The following CSMD1 variants were observed in gnomAD, a reference collection of about 807,000 sequenced individuals.
The protein encoded by CSMD1 is CUB and sushi domain-containing protein 1.
Under a neutral mutation model 417.5 loss-of-function variants are expected in CSMD1, and 213 were observed. The observed-to-expected ratio is 0.51, with a 90% confidence interval of 0.46 to 0.57. The LOEUF (loss-of-function observed/expected upper bound fraction) is 0.57. Ranked by LOEUF, CSMD1 falls within the 20% of genes least tolerant of loss-of-function variation. The pLI, the probability that CSMD1 is intolerant of heterozygous loss-of-function variation, is 0.00. For missense variants in CSMD1, 6,923 were observed against 4,529.7 expected (o/e 1.53, Z -15.17); for synonymous variants, 2,862 against 1,736.8 (o/e 1.65, Z -16.11).
chr8:4,933,494 T>G (rs1807394676), intron 1 of CSMD1, among the ~76,000 whole-genome samples: 1 of 152,170 alleles, frequency 6.6e-6, no homozygotes, highest in Admixed American at 6.6e-5. Flanking sequence ...AGAAGGTAAG[T>G]AAATGCCAGC....
At position 4,450,199 on chromosome 8, in the gene CSMD1, G is replaced by C. The variant is rs191956129; in HGVS notation, c.303-30134C>G. On this transcript the variant is annotated intron_variant, in intron 2 of 69. Transcript: ENST00000635120. ...AAAACCGAACTGGGCAACAATTGAA[G>C]TTACAGAGTACCTATATGTGAGGGA... Among the ~76,000 whole-genome samples, 179 of 152,340 alleles carry C rather than the reference G, an allele frequency of 1.2e-3. 1 individual carries two copies. The highest frequency in any genetic ancestry group is 3.9e-3 in the African/African-American group (164 of 41,578).
In CSMD1 at chr8:3,404,298, G is replaced by A. The variant is rs529293147; in HGVS notation, c.2266+1729C>T. On this transcript the variant is annotated intron_variant, in intron 15 of 69. Transcript: ENST00000635120. ...TGCAGTGAGCTGAGATTGCACCACT[G>A]CACTCCAGCCTGGGTGACAGAGCCA... Among the ~76,000 whole-genome samples the A allele has an allele frequency of 4.5e-4, 68 of 149,508 alleles. 1 individual carries two copies. In the East Asian group the frequency reaches 0.013, roughly 28 times the overall value.
At chr8:3,773,639 G>T (rs965575358) in intron 5 of CSMD1, among the ~76,000 whole-genome samples, 1 of 152,126 alleles carries the variant, frequency 6.6e-6, no homozygotes, top group African/African-American at 2.4e-5. Flanking sequence ...CTATTTGGCA[G>T]TTTTATTCAA....
At chr8:4,153,603 G>A (rs1424294301) in intron 3 of CSMD1, among the ~76,000 whole-genome samples, 6 of 152,192 alleles carry the variant, frequency 3.9e-5, no homozygotes, top group African/African-American at 9.7e-5. Context: ...GCCCTGAGAT[G>A]TCCCTGCTCT....
intron 2 of CSMD1, among the ~76,000 whole-genome samples, chr8:4,634,465 T>A (rs1802711721): frequency 6.6e-6 from 1 of 152,200 alleles, no homozygotes; most frequent in Non-Finnish European, 1.5e-5. Context: ...ACTGTTTTGG[T>A]ATTTCAGTTA....
At chr8:4,399,245 G>T (rs895915195) in intron 3 of CSMD1, among the ~76,000 whole-genome samples, 4 of 152,172 alleles carry the variant, frequency 2.6e-5, no homozygotes, top group African/African-American at 9.7e-5. Flanking sequence ...CCCCTTGTGT[G>T]TAATTCCTCC....
At chr8:3,388,673 A>G (rs1450566631) in intron 17 of CSMD1, among the ~76,000 whole-genome samples, 1 of 152,142 alleles carries the variant, frequency 6.6e-6, no homozygotes, top group Non-Finnish European at 1.5e-5. Flanking sequence ...TTTTTCTTAA[A>G]CTGTTTTTCT....
chr8:4,576,303 T>C (rs530220895), intron 2 of CSMD1, among the ~76,000 whole-genome samples: 1 of 152,342 alleles, frequency 6.6e-6, no homozygotes, highest in African/African-American at 2.4e-5. Flanking sequence ...GCCTGGGTTC[T>C]CCTCTCATTC....
At chr8:4,787,423 C>G (rs1316613678) in intron 1 of CSMD1, 5 of 753,056 alleles carry the variant, frequency 6.6e-6, no homozygotes, top group South Asian at 3.0e-5. Context: ...AGTCCAAGGA[C>G]AAGATTACAG....
intron 12 of CSMD1, among the ~76,000 whole-genome samples, chr8:3,422,360 G>C (rs1228446100): frequency 6.6e-6 from 1 of 152,126 alleles, no homozygotes; most frequent in Non-Finnish European, 1.5e-5. Context: ...AAACCTGAAA[G>C]AGGAACCAAG....
chr8:4,716,522 A>C (rs1808669348), intron 1 of CSMD1, among the ~76,000 whole-genome samples: 1 of 152,236 alleles, frequency 6.6e-6, no homozygotes, highest in South Asian at 2.1e-4. Flanking sequence ...ATCTATGTTT[A>C]CACTTACCTA....
intron 10 of CSMD1, among the ~76,000 whole-genome samples, chr8:3,539,437 A>G (rs549646065): frequency 1.3e-5 from 2 of 152,296 alleles, no homozygotes; most frequent in East Asian, 3.9e-4. Flanking sequence ...ATACATCATG[A>G]TGACAGTTGG....
intron 1 of CSMD1, among the ~76,000 whole-genome samples, chr8:4,727,846 T>C (rs960355450): frequency 1.3e-4 from 20 of 149,738 alleles, no homozygotes; most frequent in Non-Finnish European, 2.1e-4. Context: ...CTATTATATA[T>C]ACATATTGGA....
intron 4 of CSMD1, among the ~76,000 whole-genome samples, chr8:4,031,479 AC>A (rs1334327189): frequency 1.3e-5 from 2 of 152,044 alleles, no homozygotes; most frequent in African/African-American, 4.8e-5. Context: ...GGAAACACTT[AC>A]CCCCATGATT....
At chr8:3,318,475 C>T (rs901781687) in intron 23 of CSMD1, among the ~76,000 whole-genome samples, 1 of 152,190 alleles carries the variant, frequency 6.6e-6, no homozygotes, top group Non-Finnish European at 1.5e-5. Context: ...ACCAGAAACT[C>T]ATAGTCTGTG....
At chr8:3,763,925 G>A (rs1043856232) in intron 5 of CSMD1, among the ~76,000 whole-genome samples, 1 of 152,036 alleles carries the variant, frequency 6.6e-6, no homozygotes, top group Admixed American at 6.6e-5. Context: ...AACCTCTATG[G>A]GAATCAAAAG....
chr8:3,728,909 C>T (rs572117215), intron 6 of CSMD1, among the ~76,000 whole-genome samples: 25 of 152,246 alleles, frequency 1.6e-4, no homozygotes, highest in African/African-American at 5.8e-4. Context: ...AATCTATCAC[C>T]GACTGCATTT....
intron 3 of CSMD1, among the ~76,000 whole-genome samples, chr8:4,238,073 G>A (rs187759437): frequency 6.6e-6 from 1 of 152,082 alleles, no homozygotes; most frequent in Non-Finnish European, 1.5e-5. Flanking sequence ...GGCCTCAAGA[G>A]ATTGTAAACG....
chr8:4,525,884 C>T (rs1338636760), intron 2 of CSMD1, among the ~76,000 whole-genome samples: 2 of 152,116 alleles, frequency 1.3e-5, no homozygotes, highest in African/African-American at 2.4e-5. Flanking sequence ...GTCCCACATG[C>T]ATTTATTGAA....
Sources: allele counts gnomAD v4.1 joint callset (sites outside exome capture counted in the v4.1 genomes callset), GRCh38; gene constraint gnomAD v4.1.1; transcripts MANE v1.5; gene names NCBI Gene and HGNC (gene_info 2026-07-23, HGNC 2026-07-21).